The following RNF38 variants were observed in gnomAD, a reference collection of about 807,000 sequenced individuals.
RNF38 encodes ring finger protein 38.
Under a neutral mutation model 67.2 loss-of-function variants are expected in RNF38, and 15 were observed. The ratio of observed to expected loss-of-function variants is 0.22; its 90% CI spans 0.15 to 0.34. The LOEUF is 0.34. Among genes scored for constraint, RNF38 ranks in the 10% least tolerant of loss-of-function variants. RNF38 has a pLI of 1.00. For synonymous variants in RNF38, 220 were observed against 218.8 expected (o/e 1.01, Z -0.05); for missense variants, 524 against 639.9 (o/e 0.82, Z 1.95).
intron 1 of RNF38, among the ~76,000 whole-genome samples, chr9:36,439,309 G>A (rs1390938292): frequency 6.6e-6 from 1 of 152,206 alleles, no homozygotes; most frequent in Admixed American, 6.5e-5. Context: ...TTTGCAGTAA[G>A]ACAGGCTTGA....
intron 1 of RNF38, among the ~76,000 whole-genome samples, chr9:36,479,770 G>A (rs980998406): frequency 6.6e-6 from 1 of 151,940 alleles, no homozygotes. Context: ...TAATAAGATA[G>A]CACAAAAGCC....
At chr9:36,422,960 C>G (rs1220450889) in intron 2 of RNF38, among the ~76,000 whole-genome samples, 2 of 152,132 alleles carry the variant, frequency 1.3e-5, no homozygotes, top group African/African-American at 4.8e-5. Flanking sequence ...AGTCTGGCTT[C>G]TATACCATAA....
chr9:36,391,045 T>C (rs1837042595), intron 1 of RNF38, among the ~76,000 whole-genome samples: 1 of 152,232 alleles, frequency 6.6e-6, no homozygotes, highest in Non-Finnish European at 1.5e-5. Context: ...ACCTTCCAAA[T>C]AATCATGCAA....
intron 1 of RNF38, among the ~76,000 whole-genome samples, chr9:36,428,052 G>T (rs1177061333): frequency 6.6e-6 from 1 of 151,636 alleles, no homozygotes; most frequent in African/African-American, 2.4e-5. Flanking sequence ...AATTTCTGTT[G>T]TTTATAAGCC....
upstream of RNF38, chr9:36,487,581 C>T (rs893856109): frequency 1.6e-5 from 16 of 980,602 alleles, no homozygotes; most frequent in Admixed American, 5.1e-4. Flanking sequence ...CGAGCAGCGG[C>T]TCCGGCTGCG....
At chr9:36,462,651 T>G (rs1352062283) in intron 1 of RNF38, among the ~76,000 whole-genome samples, 1 of 151,520 alleles carries the variant, frequency 6.6e-6, no homozygotes. Context: ...ACTGCACCAA[T>G]GATGCTTTCT....
chr9:36,426,530 A>G (rs1331956653), intron 1 of RNF38, among the ~76,000 whole-genome samples: 1 of 152,244 alleles, frequency 6.6e-6, no homozygotes, highest in Non-Finnish European at 1.5e-5. Context: ...ATATTCCAGT[A>G]TATGGATATA....
chr9:36,350,871 T>C (rs1203831468), intron 9 of RNF38, among the ~76,000 whole-genome samples: 1 of 152,242 alleles, frequency 6.6e-6, no homozygotes, highest in Non-Finnish European at 1.5e-5. Flanking sequence ...AGGATGGCTC[T>C]GAATGTGGCC....
Position 36,455,927 on chromosome 9 carries a change from A to G in RNF38, n.242-31244T>C, listed in dbSNP as rs557064322. Among the ~76,000 whole-genome samples the G allele has an allele frequency of 5.9e-5, 9 of 151,706 alleles. No homozygotes were observed. The South Asian group carries it at 1.9e-3, about 32-fold the overall frequency. ...CTCCACCTCAAAAAAAAAAAAAAAA[A>G]GTGCACTAATTTAACTTAATTCATT... On this transcript the variant is annotated intron_variant and non_coding_transcript_variant, in intron 1 of 3. Coordinates refer to the RNF38 transcript ENST00000488058.
chr9:36,442,078 AG>A (rs1480262113), intron 1 of RNF38, among the ~76,000 whole-genome samples: 1 of 151,796 alleles, frequency 6.6e-6, no homozygotes, highest in Non-Finnish European at 1.5e-5. Flanking sequence ...TAAGGGGGGG[AG>A]GGGGAGAGTC....
At chr9:36,380,602 C>T (rs909974524) in intron 2 of RNF38, among the ~76,000 whole-genome samples, 4 of 152,156 alleles carry the variant, frequency 2.6e-5, no homozygotes, top group Non-Finnish European at 5.9e-5. Flanking sequence ...AAGAGATGCT[C>T]TCACCTAAGT....
At chr9:36,359,170 A>C (rs1001628586) in intron 4 of RNF38, among the ~76,000 whole-genome samples, 12 of 152,054 alleles carry the variant, frequency 7.9e-5, no homozygotes, top group Non-Finnish European at 7.4e-5. Context: ...TTTTTATTTA[A>C]GAGGTATATG....
At chr9:36,456,588 C>A (rs1481630517) in intron 1 of RNF38, among the ~76,000 whole-genome samples, 2 of 152,072 alleles carry the variant, frequency 1.3e-5, no homozygotes, top group Non-Finnish European at 2.9e-5. Context: ...CTATCCTAGA[C>A]TCTGCCTTGC....
At chr9:36,406,647 A>C (rs1046683005) in intron 2 of RNF38, among the ~76,000 whole-genome samples, 2 of 152,244 alleles carry the variant, frequency 1.3e-5, no homozygotes, top group African/African-American at 4.8e-5. Flanking sequence ...AGTTCTGTTA[A>C]TGATATGTAA....
intron 1 of RNF38, among the ~76,000 whole-genome samples, chr9:36,453,975 T>A (rs1564069086): frequency 6.6e-6 from 1 of 152,198 alleles, no homozygotes; most frequent in Non-Finnish European, 1.5e-5. Context: ...GAAGTGGAGA[T>A]GCATAAAATT....
chr9:36,396,008 A>AG (rs1288723296), intron 1 of RNF38, among the ~76,000 whole-genome samples: 2 of 152,236 alleles, frequency 1.3e-5, no homozygotes, highest in Non-Finnish European at 2.9e-5. Flanking sequence ...AGAAAAACAG[A>AG]GAACTCCCTA....
chr9:36,397,024 T>TATATATAC (rs766489585), intron 1 of RNF38, among the ~76,000 whole-genome samples: 6 of 147,272 alleles, frequency 4.1e-5, no homozygotes, highest in African/African-American at 1.5e-4. Flanking sequence ...TGTGTGTGTG[T>TATATATAC]GTATATACGT....
intron 1 of RNF38, among the ~76,000 whole-genome samples, chr9:36,485,030 A>G (rs928022792): frequency 6.6e-6 from 1 of 152,106 alleles, no homozygotes; most frequent in Non-Finnish European, 1.5e-5. Flanking sequence ...TTAGCCGGGC[A>G]TGGTGGCGGG....
intron 1 of RNF38, among the ~76,000 whole-genome samples, chr9:36,433,125 C>T (rs1838972409): frequency 1.4e-5 from 2 of 146,036 alleles, no homozygotes; most frequent in South Asian, 4.3e-4. Flanking sequence ...CTACCAGAGG[C>T]TGGGGAGGGT....
Sources: allele counts gnomAD v4.1 joint callset (sites outside exome capture counted in the v4.1 genomes callset), GRCh38; gene constraint gnomAD v4.1.1; transcripts MANE v1.5; gene names NCBI Gene and HGNC (gene_info 2026-07-23, HGNC 2026-07-21).